The following CPE variants were observed in gnomAD, a reference collection of about 807,000 sequenced individuals.
The protein encoded by CPE is carbocypeptidase E.
A neutral mutation model predicts 53.5 loss-of-function variants in CPE; 17 were observed. That is an observed-to-expected ratio of 0.32 (90% confidence interval 0.22 to 0.48). CPE has a LOEUF of 0.48. Ranked by LOEUF, CPE falls within the 20% of genes least tolerant of loss-of-function variation. The pLI, the probability that CPE is intolerant of heterozygous loss-of-function variation, is 0.99. For synonymous variants in CPE, 226 were observed against 228.8 expected, an observed-to-expected ratio of 0.99 and a Z score of 0.11; for missense variants, 524 against 614.7, an observed-to-expected ratio of 0.85 and a Z score of 1.56.
intron 8 of CPE, among the ~76,000 whole-genome samples, chr4:165,496,311 A>C (rs1368056601): frequency 1.2e-4 from 19 of 152,228 alleles, no homozygotes; most frequent in Non-Finnish European, 2.6e-4. Context: ...TTATGTACCC[A>C]AAACTTGGAG....
At chr4:165,487,257 C>T (rs1159147622) in intron 5 of CPE, among the ~76,000 whole-genome samples, 181 bp from the exon 6 acceptor site, 1 of 152,166 alleles carries the variant, frequency 6.6e-6, no homozygotes, top group Non-Finnish European at 1.5e-5. Flanking sequence ...TAAGGTATAA[C>T]AACCCCCGAC....
At chr4:165,486,961 T>C (rs574320866) in intron 5 of CPE, among the ~76,000 whole-genome samples, 2 of 152,338 alleles carry the variant, frequency 1.3e-5, no homozygotes, top group East Asian at 3.9e-4. Flanking sequence ...TTGACAATAG[T>C]ATATTGCCAA....
chr4:165,482,316 A>T lies in CPE; in HGVS notation c.747A>T (p.Gly249=). The T allele has an allele frequency of 6.2e-7, 1 of 1,613,986 alleles. No individual in the cohort carries two copies. Among genetic ancestry groups the T allele is most frequent in the South Asian group, 1.1e-5 (1 of 91,076 alleles). ...TTGTGCTTTCTGCCAATCTCCATGG[A>T]GGAGACCTTGTGGCCAATTATCCAT... ...IPFVLSANLH[G]GDLVANYPYD... The change falls in exon 4 of 9, where the codon GGA becomes GGT. Residue 249 remains glycine (G), a synonymous_variant. Coordinates refer to ENST00000402744, the MANE Select transcript of CPE (RefSeq NM_001873.4).
intron 1 of CPE, among the ~76,000 whole-genome samples, chr4:165,422,218 T>A (rs1030665013): frequency 5.9e-5 from 9 of 152,058 alleles, no homozygotes; most frequent in African/African-American, 2.2e-4. Flanking sequence ...ATTTAAGAAG[T>A]GCTAGTCTAT....
intron 1 of CPE, chr4:165,405,058 G>C (rs1261708766): frequency 1.4e-6 from 1 of 719,428 alleles, no homozygotes; most frequent in Non-Finnish European, 2.6e-6. Flanking sequence ...CAAAACCTTG[G>C]TAATCAAGCT....
At chr4:165,417,683 A>G (rs1221712390) in intron 1 of CPE, among the ~76,000 whole-genome samples, 4 of 152,052 alleles carry the variant, frequency 2.6e-5, no homozygotes, top group African/African-American at 4.8e-5. Context: ...TCATATCAGT[A>G]TAAATGTGAA....
chr4:165,473,015 G>A (rs1732235928), intron 3 of CPE, among the ~76,000 whole-genome samples: 1 of 152,152 alleles, frequency 6.6e-6, no homozygotes, highest in African/African-American at 2.4e-5. Flanking sequence ...AGGGGGCATG[G>A]GTAACTCTGT....
intron 1 of CPE, among the ~76,000 whole-genome samples, chr4:165,384,641 T>C (rs1730558858): frequency 6.6e-6 from 1 of 151,780 alleles, no homozygotes. Flanking sequence ...ACAACAACAA[T>C]AAAAAAGGGA....
intron 1 of CPE, among the ~76,000 whole-genome samples, chr4:165,447,701 A>G (rs1731741371): frequency 6.6e-6 from 1 of 152,144 alleles, no homozygotes; most frequent in African/African-American, 2.4e-5. Flanking sequence ...TTGTAATCAC[A>G]CAGCTTAAAA....
chr4:165,451,902 CT>C (rs1731818481), intron 1 of CPE, among the ~76,000 whole-genome samples: 1 of 151,702 alleles, frequency 6.6e-6, no homozygotes, highest in African/African-American at 2.4e-5. Context: ...TTTGTCTCCC[CT>C]AAGCCACGTA....
At chr4:165,407,149 A>G (rs1002526573) in intron 1 of CPE, among the ~76,000 whole-genome samples, 1 of 152,138 alleles carries the variant, frequency 6.6e-6, no homozygotes, top group Admixed American at 6.5e-5. Flanking sequence ...TTTGTTTAAC[A>G]TTTTCAGGAA....
intron 7 of CPE, 34 bp from the exon 8 acceptor site, chr4:165,495,525 G>T: frequency 7.2e-7 from 1 of 1,391,712 alleles, no homozygotes; most frequent in Non-Finnish European, 1.0e-6. Context: ...CATATTTCAT[G>T]TGCTTTGTGA....
chr4:165,388,192 A>G (rs1300342937), intron 1 of CPE, among the ~76,000 whole-genome samples: 2 of 152,230 alleles, frequency 1.3e-5, no homozygotes, highest in Middle Eastern at 3.2e-3. Flanking sequence ...CAAAATTTGC[A>G]CAAATCATAA....
intron 4 of CPE, among the ~76,000 whole-genome samples, chr4:165,483,027 G>A (rs1327311713): frequency 1.3e-5 from 2 of 150,412 alleles, no homozygotes; most frequent in East Asian, 1.9e-4. Context: ...TTTTAGATTC[G>A]GGGTACCTGT....
intron 2 of CPE, among the ~76,000 whole-genome samples, chr4:165,465,564 A>T (rs1196784674): frequency 1.3e-5 from 2 of 152,152 alleles, no homozygotes; most frequent in Non-Finnish European, 2.9e-5. Flanking sequence ...ATATGTGGGA[A>T]ATATATCTAT....
At chr4:165,452,988 T>C (rs939454053) in intron 1 of CPE, among the ~76,000 whole-genome samples, 3 of 152,184 alleles carry the variant, frequency 2.0e-5, no homozygotes, top group Non-Finnish European at 2.9e-5. Flanking sequence ...TTCTTTCTTT[T>C]TTTTTTGAGA....
chr4:165,440,151 T>C (rs1731582825), intron 1 of CPE, among the ~76,000 whole-genome samples: 1 of 152,208 alleles, frequency 6.6e-6, no homozygotes, highest in Non-Finnish European at 1.5e-5. Context: ...CTGTGTATCC[T>C]TTCTAGGTTC....
At chr4:165,435,203 T>TAAAAACTTCAAAGCTAAAAACTTTGA (rs1393251807) in intron 1 of CPE, among the ~76,000 whole-genome samples, 27 of 152,314 alleles carry the variant, frequency 1.8e-4, no homozygotes, top group African/African-American at 5.8e-4. Flanking sequence ...TCTTTGAAGC[T>TAAAAACTTCAAAGCTAAAAACTTTGA]AGTTTGCCAA....
At chr4:165,476,060 G>A (rs762913902) in intron 3 of CPE, among the ~76,000 whole-genome samples, 14 of 152,196 alleles carry the variant, frequency 9.2e-5, no homozygotes, top group South Asian at 2.1e-4. Context: ...ATATGGGTTT[G>A]CAGCAACCTC....
Sources: gnomAD v4.1 joint callset for allele counts (sites outside exome capture counted in the v4.1 genomes callset) on GRCh38, gnomAD v4.1.1 for gene constraint, MANE v1.5 for transcripts, NCBI Gene and HGNC (gene_info 2026-07-23, HGNC 2026-07-21) for gene names.